APBB2: variants seen among roughly 807,000 people sequenced by gnomAD.
APBB2 encodes the protein Fe65-like 1.
In APBB2, 38 loss-of-function variants were observed where a neutral mutation model predicts 82.5. That is an observed-to-expected ratio of 0.46 (90% CI 0.36 to 0.60). The LOEUF (loss-of-function observed/expected upper bound fraction) is 0.60, where lower values mean the gene tolerates loss of function less well. APBB2 is among the 20% of genes least tolerant of loss of function. The pLI, the probability that APBB2 is intolerant of heterozygous loss-of-function variation, is 0.00. For missense variants in APBB2, 772 were observed against 972.3 expected (o/e 0.79, Z 2.74); for synonymous variants, 341 against 368.2 (o/e 0.93, Z 0.85).
chr4:41,095,770 C>T (rs1386778836), intron 3 of APBB2, among the ~76,000 whole-genome samples: 1 of 152,182 alleles, frequency 6.6e-6, no homozygotes, highest in Non-Finnish European at 1.5e-5. Flanking sequence ...GGTCTCCAGC[C>T]TCCAGTTTTC....
At chr4:41,108,436 T>C (rs1748022615) in intron 2 of APBB2, among the ~76,000 whole-genome samples, 1 of 151,916 alleles carries the variant, frequency 6.6e-6, no homozygotes, top group Non-Finnish European at 1.5e-5. Context: ...AGGAAGAACG[T>C]TGAGAAGAAA....
chr4:41,212,047 T>G (rs772465957), intron 1 of APBB2, among the ~76,000 whole-genome samples: 3 of 152,332 alleles, frequency 2.0e-5, no homozygotes, highest in South Asian at 2.1e-4. Context: ...GTACTCAGGA[T>G]AGTCCACACA....
At chr4:40,913,762 G>A (rs1012740996) in intron 10 of APBB2, among the ~76,000 whole-genome samples, 3 of 151,918 alleles carry the variant, frequency 2.0e-5, no homozygotes, top group East Asian at 1.9e-4. Context: ...TCACATTTTC[G>A]TGCCCTTTAG....
chr4:41,093,351 G>C (rs1742424875), intron 3 of APBB2, among the ~76,000 whole-genome samples: 1 of 152,166 alleles, frequency 6.6e-6, no homozygotes, highest in African/African-American at 2.4e-5. Flanking sequence ...ATAAACATAG[G>C]CTATAACGCT....
intron 10 of APBB2, among the ~76,000 whole-genome samples, chr4:40,896,116 G>A (rs190292818): frequency 5.5e-4 from 83 of 151,986 alleles, no homozygotes; most frequent in Admixed American, 1.8e-3. Context: ...CCCGGCTGGA[G>A]TGCAATGGCA....
intron 1 of APBB2, among the ~76,000 whole-genome samples, chr4:41,167,722 C>G (rs1319061036): frequency 1.3e-5 from 2 of 152,176 alleles, no homozygotes. Context: ...CGGACAAACC[C>G]TCTGGTCTCA....
chr4:41,040,888 T>A (rs1721099532), intron 4 of APBB2, among the ~76,000 whole-genome samples: 1 of 152,312 alleles, frequency 6.6e-6, no homozygotes. Context: ...TTTATTTTTT[T>A]ATTTTTTTTT....
At chr4:40,956,049 C>CA (rs1791567059) in intron 6 of APBB2, among the ~76,000 whole-genome samples, 1 of 152,196 alleles carries the variant, frequency 6.6e-6, no homozygotes, top group South Asian at 2.1e-4. Flanking sequence ...GCTGGGATTA[C>CA]AGGTGTGAGC....
At chr4:41,193,638 C>A in intron 1 of APBB2, 1 of 863,534 alleles carries the variant, frequency 1.2e-6, no homozygotes, top group Non-Finnish European at 1.4e-6. Flanking sequence ...ATTATTACTT[C>A]TGCAGGTCTC....
intron 6 of APBB2, among the ~76,000 whole-genome samples, chr4:40,987,621 G>A (rs10017936): frequency 0.35 from 53,832 of 152,060 alleles, 9,584 homozygotes; most frequent in Middle Eastern, 0.39. Context: ...GTCTCTGTGT[G>A]TCTAACTCTC....
chr4:41,117,296 T>A (rs1393371959), intron 2 of APBB2, among the ~76,000 whole-genome samples: 3 of 72,992 alleles, frequency 4.1e-5, no homozygotes, highest in South Asian at 3.4e-4. Flanking sequence ...ATTATTATTA[T>A]TTTTTTTTTT....
intron 12 of APBB2, among the ~76,000 whole-genome samples, chr4:40,837,660 CT>C (rs1434645427): frequency 1.3e-5 from 2 of 152,254 alleles, no homozygotes; most frequent in African/African-American, 4.8e-5. Context: ...ATGCCATACC[CT>C]AGCCATTTAC....
At chr4:40,816,484 C>T (rs972567666) in intron 17 of APBB2, among the ~76,000 whole-genome samples, 1 of 152,214 alleles carries the variant, frequency 6.6e-6, no homozygotes, top group Non-Finnish European at 1.5e-5. Flanking sequence ...TTCCTTCCAT[C>T]CATTTCCACC....
At chr4:41,110,513 G>C (rs1748803417) in intron 2 of APBB2, among the ~76,000 whole-genome samples, 2 of 150,840 alleles carry the variant, frequency 1.3e-5, no homozygotes, top group Admixed American at 6.6e-5. Context: ...TGAGGCAGGA[G>C]AATCACTTGA....
intron 1 of APBB2, among the ~76,000 whole-genome samples, chr4:41,200,136 A>G (rs2154075705): frequency 6.6e-6 from 1 of 152,360 alleles, no homozygotes; most frequent in South Asian, 2.1e-4. Flanking sequence ...GAAAAGCACC[A>G]CGTAAGTTCC....
At chr4:40,878,157 G>A (rs1411963758) in intron 12 of APBB2, among the ~76,000 whole-genome samples, 1 of 151,856 alleles carries the variant, frequency 6.6e-6, no homozygotes. Context: ...CACCAGCTTG[G>A]CCAACATGGC....
chr4:41,189,216 C>A (rs891378276), intron 1 of APBB2, among the ~76,000 whole-genome samples: 1 of 152,134 alleles, frequency 6.6e-6, no homozygotes, highest in African/African-American at 2.4e-5. Flanking sequence ...GCTGTTGCTA[C>A]TCACAACAAC....
intron 6 of APBB2, among the ~76,000 whole-genome samples, chr4:40,962,531 T>C (rs1038501827): frequency 6.6e-6 from 1 of 152,202 alleles, no homozygotes; most frequent in Non-Finnish European, 1.5e-5. Flanking sequence ...ACCAGACTTC[T>C]TGTTCTTTTT....
At chr4:41,052,366 G>C (rs1726310330) in intron 4 of APBB2, among the ~76,000 whole-genome samples, 1 of 152,084 alleles carries the variant, frequency 6.6e-6, no homozygotes, top group South Asian at 2.1e-4. Context: ...TCTCCTACCT[G>C]ATCCCAAGCA....
Sources: allele counts gnomAD v4.1 joint callset (sites outside exome capture counted in the v4.1 genomes callset), GRCh38; gene constraint gnomAD v4.1.1; transcripts MANE v1.5; gene names NCBI Gene and HGNC (gene_info 2026-07-23, HGNC 2026-07-21).